The following CHODL variants were observed in gnomAD, a reference collection of about 807,000 sequenced individuals.
CHODL encodes the protein transmembrane protein MT75.
CHODL carries 29 observed loss-of-function variants against 34.5 expected under a neutral mutation model. The ratio of observed to expected loss-of-function variants is 0.84; its 90% CI spans 0.63 to 1.15. The LOEUF (loss-of-function observed/expected upper bound fraction) is 1.15. CHODL is among the 50% of genes most tolerant of loss of function. The pLI is 0.00. For synonymous variants in CHODL, 125 were observed against 116.1 expected, an observed-to-expected ratio of 1.08 and a Z score of -0.49; for missense variants, 332 against 332.5, an observed-to-expected ratio of 1.00 and a Z score of 0.01.
At chr21:18,146,317 C>T (rs138028677) in intron 2 of CHODL, among the ~76,000 whole-genome samples, 3 of 151,928 alleles carry the variant, frequency 2.0e-5, no homozygotes, top group Non-Finnish European at 4.4e-5. Context: ...ATTACTGCAC[C>T]GTACCTGATA....
intron 1 of CHODL, among the ~76,000 whole-genome samples, chr21:17,932,187 A>G (rs564170545): frequency 6.6e-6 from 1 of 152,292 alleles, no homozygotes; most frequent in South Asian, 2.1e-4. Flanking sequence ...CAAGTGACCA[A>G]CAAAGATATG....
chr21:17,989,717 G>T (rs2063782024), intron 1 of CHODL, among the ~76,000 whole-genome samples: 1 of 152,126 alleles, frequency 6.6e-6, no homozygotes, highest in South Asian at 2.1e-4. Flanking sequence ...AGCCGACCAT[G>T]TTTCAATTAA....
intron 1 of CHODL, among the ~76,000 whole-genome samples, chr21:17,937,855 C>T (rs1326836271): frequency 6.6e-6 from 1 of 151,994 alleles, no homozygotes; most frequent in Non-Finnish European, 1.5e-5. Flanking sequence ...TTATTTCATG[C>T]TGAATATGTG....
At position 18,091,127 on chromosome 21, in the gene CHODL, C is replaced by T. The variant is rs530640867; in HGVS notation, c.-45+63156C>T. 1.6e-4 allele frequency among the ~76,000 whole-genome samples: 24 copies of T among 152,320 alleles called. No homozygotes were observed. The South Asian group carries it at 5.0e-3, about 32-fold the overall frequency. ...AGAATAAAGCCATGCTTGGCTTAGC[C>T]AGTCCCCACATACAGAGGGAACATT... On this transcript the variant is annotated intron_variant, in intron 2 of 6. Coordinates refer to the CHODL transcript ENST00000400127.
At chr21:18,058,082 A>G (rs2036730378) in intron 2 of CHODL, among the ~76,000 whole-genome samples, 1 of 152,014 alleles carries the variant, frequency 6.6e-6, no homozygotes, top group Admixed American at 6.6e-5. Flanking sequence ...CCTCCTATCC[A>G]TCTGTAACTT....
upstream of CHODL, among the ~76,000 whole-genome samples, chr21:18,244,641 G>A (rs1264316227): frequency 6.6e-6 from 1 of 152,170 alleles, no homozygotes; most frequent in African/African-American, 2.4e-5. Flanking sequence ...ATGGAAAGAG[G>A]GGACAGGGAG....
intron 2 of CHODL, among the ~76,000 whole-genome samples, chr21:18,138,740 T>G (rs894751029): frequency 4.6e-5 from 7 of 152,190 alleles, no homozygotes; most frequent in African/African-American, 1.7e-4. Flanking sequence ...CTTTCTGGAA[T>G]AGCAAGCGAA....
At chr21:18,097,763 T>C (rs1267371537) in intron 2 of CHODL, among the ~76,000 whole-genome samples, 1 of 151,998 alleles carries the variant, frequency 6.6e-6, no homozygotes, top group Non-Finnish European at 1.5e-5. Flanking sequence ...CAGCAAAAGA[T>C]ACCTTGAGCA....
In CHODL at chr21:17,978,723, GAAAA is replaced by G. The variant is rs1480312681; in HGVS notation, c.-144-49143_-144-49140del. ...ACTGATGAGACTCCATCTCAAAAAA[GAAAA>G]AAAAAGAAAAAAAAAAAAACAAACA... On this transcript the variant is annotated intron_variant, in intron 1 of 6. Coordinates refer to the CHODL transcript ENST00000400127. Among the ~76,000 whole-genome samples the G allele has an allele frequency of 6.9e-4, 39 of 56,116 alleles. No individual in the cohort carries two copies. The Admixed American group carries it at 7.2e-3, about 10-fold the overall frequency. 36.8% of individuals were successfully genotyped at this position (56,116 alleles called of 152,430 possible).
At chr21:17,995,123 AG>A (rs1011018465) in intron 1 of CHODL, among the ~76,000 whole-genome samples, 4 of 152,034 alleles carry the variant, frequency 2.6e-5, no homozygotes, top group African/African-American at 9.7e-5. Context: ...ATGTCACCAA[AG>A]CTCCCAAGAT....
intron 1 of CHODL, among the ~76,000 whole-genome samples, chr21:18,253,563 A>G (rs925613562): frequency 1.3e-5 from 2 of 152,152 alleles, no homozygotes; most frequent in Non-Finnish European, 2.9e-5. Context: ...GCTTAATGGC[A>G]TTGTTAGGCT....
At chr21:18,069,198 C>G (rs1268169098) in intron 2 of CHODL, among the ~76,000 whole-genome samples, 1 of 152,078 alleles carries the variant, frequency 6.6e-6, no homozygotes, top group Non-Finnish European at 1.5e-5. Flanking sequence ...TAAAAGGTTT[C>G]TAAGACCTAC....
chr21:18,220,695 G>GT (rs75523177), intron 2 of CHODL, among the ~76,000 whole-genome samples: 8,217 of 147,068 alleles, frequency 0.056, 260 homozygotes, highest in Non-Finnish European at 0.066. Context: ...TTGGCTCACA[G>GT]TTTTTTTTTT....
At chr21:18,146,992 T>C (rs1328164369) in intron 2 of CHODL, among the ~76,000 whole-genome samples, 1 of 152,254 alleles carries the variant, frequency 6.6e-6, no homozygotes, top group South Asian at 2.1e-4. Flanking sequence ...AATTCTCTTT[T>C]AATCCTTTTA....
intron 2 of CHODL, among the ~76,000 whole-genome samples, chr21:18,155,821 T>G (rs2073027391): frequency 6.6e-6 from 1 of 152,236 alleles, no homozygotes; most frequent in South Asian, 2.1e-4. Context: ...AGGCTACTGA[T>G]TTAATTCTAG....
intron 2 of CHODL, among the ~76,000 whole-genome samples, chr21:18,072,961 A>G (rs1216810054): frequency 6.6e-6 from 1 of 152,186 alleles, no homozygotes; most frequent in East Asian, 1.9e-4. Flanking sequence ...ATTTATTATT[A>G]AAGTTTATAT....
intron 1 of CHODL, among the ~76,000 whole-genome samples, chr21:18,004,329 A>G (rs2063939686): frequency 6.6e-6 from 1 of 152,256 alleles, no homozygotes; most frequent in Admixed American, 6.5e-5. Flanking sequence ...AGCCTCTATA[A>G]GTGGTGTCAA....
At chr21:18,184,557 A>G (rs1010638662) in intron 2 of CHODL, among the ~76,000 whole-genome samples, 2 of 152,232 alleles carry the variant, frequency 1.3e-5, no homozygotes, top group Non-Finnish European at 2.9e-5. Flanking sequence ...CCCCAAGTAT[A>G]TAAAACAATA....
intron 2 of CHODL, among the ~76,000 whole-genome samples, chr21:18,139,393 C>CA (rs1353445653): frequency 1.3e-5 from 2 of 152,044 alleles, no homozygotes; most frequent in East Asian, 1.9e-4. Context: ...CAACCATCAA[C>CA]AAAAATGACA....
Sources: allele counts gnomAD v4.1 joint callset (sites outside exome capture counted in the v4.1 genomes callset), GRCh38; gene constraint gnomAD v4.1.1; transcripts MANE v1.5; gene names NCBI Gene and HGNC (gene_info 2026-07-23, HGNC 2026-07-21).